Variants in FLNB observed in about 807,000 individuals in gnomAD.
FLNB encodes the protein filamin-B.
In FLNB, 111 loss-of-function variants were observed where a neutral mutation model predicts 250.6. That is an observed-to-expected ratio of 0.44 (90% CI 0.38 to 0.52). FLNB has a LOEUF of 0.52. Among genes scored for constraint, FLNB ranks in the 20% least tolerant of loss-of-function variants. The pLI, the probability that FLNB is intolerant of heterozygous loss-of-function variation, is 0.00. For missense variants in FLNB, 2,869 were observed against 3,447.8 expected, an observed-to-expected ratio of 0.83 and a Z score of 4.20; for synonymous variants, 1,302 against 1,372.1, an observed-to-expected ratio of 0.95 and a Z score of 1.13.
Position 58,159,646 on chromosome 3 carries a change from TGGA to T in FLNB, c.6983_6985del (p.Gly2328del). 2 of 1,613,990 alleles carry T rather than the reference TGGA, an allele frequency of 1.2e-6. No homozygotes were observed. Among genetic ancestry groups the T allele is most frequent in the Non-Finnish European group, 1.7e-6 (2 of 1,180,014 alleles). ...TTGATGCAAAGGTGCACAGCCCCTC[TGGA>T]GCCGTGGAGGAGTGCCACGTGTCTG... On this transcript the variant is annotated inframe_deletion, in exon 42 of 46. Coordinates refer to ENST00000295956, the MANE Select transcript of FLNB (RefSeq NM_001457.4).
chr3:58,119,163 T>C (rs1000866764), intron 19 of FLNB, among the ~76,000 whole-genome samples, 174 bp downstream of exon 19: 6 of 152,152 alleles, frequency 3.9e-5, no homozygotes, highest in African/African-American at 1.4e-4. Context: ...ACTGTGACTG[T>C]GTCTGCCCCT....
intron 22 of FLNB, 40 bp from the exon 23 acceptor site, chr3:58,125,541 T>A (rs371291646): frequency 1.2e-6 from 2 of 1,608,074 alleles, no homozygotes; most frequent in Non-Finnish European, 1.7e-6. Context: ...AATAGGGGAT[T>A]TGTATGCAAA....
intron 41 of FLNB, among the ~76,000 whole-genome samples, chr3:58,156,951 C>T (rs985206984): frequency 1.5e-4 from 23 of 152,196 alleles, no homozygotes; most frequent in African/African-American, 5.5e-4. Flanking sequence ...CCCCACTCAA[C>T]CTCCCAAAGT....
At chr3:58,049,332 G>C (rs145482381) in intron 1 of FLNB, among the ~76,000 whole-genome samples, 1 of 152,234 alleles carries the variant, frequency 6.6e-6, no homozygotes, top group African/African-American at 2.4e-5. Flanking sequence ...GAGGAGCAAA[G>C]TGTAGTGGTA....
chr3:58,145,403 C>T (rs1389684997), intron 32 of FLNB, among the ~76,000 whole-genome samples: 1 of 152,104 alleles, frequency 6.6e-6, no homozygotes, highest in Non-Finnish European at 1.5e-5. Context: ...TTTATTTAAC[C>T]GGTCCCCTGT....
At chr3:58,096,661 A>G (rs1229795161) in intron 6 of FLNB, among the ~76,000 whole-genome samples, 1 of 152,114 alleles carries the variant, frequency 6.6e-6, no homozygotes, top group Non-Finnish European at 1.5e-5. Context: ...GGCACCCACA[A>G]CCACTCCCAG....
chr3:58,130,797 G>A lies in FLNB; in HGVS notation c.4279G>A (p.Ala1427Thr), dbSNP rs1319183304. Residue 1427 changes from alanine to threonine, a missense_variant, in exon 25 of 46, where the codon GCC (alanine) becomes ACC (threonine). Around this residue, in one of 5 missense-constraint regions of FLNB, gnomAD observed 1,348 missense variants for 1,466.7 expected, o/e 0.92. Coordinates refer to ENST00000295956, the MANE Select transcript of FLNB (RefSeq NM_001457.4). Reference protein sequence around the residue: ...DVVDPSKVKIAGPGLGSGVRA... With the variant: ...DVVDPSKVKITGPGLGSGVRA... ...TGTGGACCCCAGCAAGGTCAAGATT[G>A]CCGGCCCCGGGCTGGGCTCAGGCGT... is the stretch of plus-strand genomic sequence containing the variant. 6.2e-7 allele frequency: 1 copy of A among 1,613,952 alleles called. No homozygotes were observed. The highest frequency in any genetic ancestry group is 1.1e-5 in the South Asian group (1 of 91,002).
rs1223279566 is a variant in FLNB, at chr3:58,029,827, G to A, written c.292+20971G>A. Among the ~76,000 whole-genome samples the A allele has an allele frequency of 2.0e-5, 3 of 150,254 alleles. No homozygotes were observed. In the Admixed American group the frequency reaches 2.0e-4, roughly 10 times the overall value. ...TGCGTCCAGCCAAGAATGAGAATTTGGGAGTCAGGCACCTCTGGGATTGAA... is the reference window on the plus strand; with the variant it reads ...TGCGTCCAGCCAAGAATGAGAATTTAGGAGTCAGGCACCTCTGGGATTGAA... On this transcript the variant is annotated intron_variant, in intron 1 of 45. Coordinates refer to ENST00000295956, the MANE Select transcript of FLNB (RefSeq NM_001457.4).
intron 1 of FLNB, among the ~76,000 whole-genome samples, chr3:58,038,535 C>T (rs890165340): frequency 2.0e-5 from 3 of 151,918 alleles, no homozygotes; most frequent in South Asian, 2.1e-4. Flanking sequence ...GCAATCCTTC[C>T]GCCTCAGCTG....
chr3:58,139,268 A>C (rs2097322211), intron 29 of FLNB, among the ~76,000 whole-genome samples: 1 of 152,184 alleles, frequency 6.6e-6, no homozygotes, highest in African/African-American at 2.4e-5. Context: ...AAAACCAAGC[A>C]TCGTTGGCTT....
chr3:58,105,506 T>G (rs1269281499), intron 11 of FLNB, among the ~76,000 whole-genome samples: 1 of 152,250 alleles, frequency 6.6e-6, no homozygotes, highest in African/African-American at 2.4e-5. Context: ...CTGACCTTTA[T>G]AGTTTAGATG....
rs536611899 is a variant in FLNB at position 58,026,685 on chromosome 3, T to C, written c.292+17829T>C. On this transcript the variant is annotated intron_variant, in intron 1 of 45. Coordinates refer to ENST00000295956, the MANE Select transcript of FLNB (RefSeq NM_001457.4). ...TTTGCCCTGATGGATAGAAGGAATC[T>C]GTCTGTGTCTTGCATGAACCGTGTA... is the stretch of plus-strand genomic sequence containing the variant. 3.8e-3 allele frequency among the ~76,000 whole-genome samples: 577 copies of C among 152,280 alleles called. 2 individuals carry two copies. The highest frequency in any genetic ancestry group is 6.2e-3 in the Non-Finnish European group (422 of 68,024).
chr3:58,114,063 T>C (rs1446362576), intron 18 of FLNB, among the ~76,000 whole-genome samples: 2 of 152,194 alleles, frequency 1.3e-5, no homozygotes, highest in African/African-American at 4.8e-5. Context: ...TCATTCCTTT[T>C]CGAGGCTGCA....
intron 4 of FLNB, among the ~76,000 whole-genome samples, chr3:58,087,895 C>T (rs1236153241): frequency 6.6e-6 from 1 of 152,138 alleles, no homozygotes; most frequent in Non-Finnish European, 1.5e-5. Flanking sequence ...CATGCACCAC[C>T]ACACCCCGCC....
At chr3:58,044,962 A>G (rs2097151493) in intron 1 of FLNB, among the ~76,000 whole-genome samples, 1 of 152,180 alleles carries the variant, frequency 6.6e-6, no homozygotes, top group South Asian at 2.1e-4. Flanking sequence ...ATCAGTGCTG[A>G]TTACTTCCAG....
At chr3:58,087,644 G>T (rs903286760) in intron 4 of FLNB, among the ~76,000 whole-genome samples, 1 of 151,998 alleles carries the variant, frequency 6.6e-6, no homozygotes, top group African/African-American at 2.4e-5. Context: ...TAGAGATGGG[G>T]TTTCACCATC....
At chr3:58,136,813 G>T (rs561664473) in intron 28 of FLNB, among the ~76,000 whole-genome samples, 4 of 134,308 alleles carry the variant, frequency 3.0e-5, no homozygotes, top group Non-Finnish European at 6.1e-5. Flanking sequence ...GTGCAGTGAC[G>T]CAATCTCAGC....
At chr3:58,111,934 G>T in intron 17 of FLNB, 53 bp downstream of exon 17, 1 of 1,462,588 alleles carries the variant, frequency 6.8e-7, no homozygotes, top group South Asian at 1.1e-5. Context: ...CGGTGGCACT[G>T]GGCGTGTTTC....
intron 22 of FLNB, 100 bp from the exon 23 acceptor site, chr3:58,125,481 G>C (rs1397652505): frequency 1.1e-5 from 15 of 1,337,910 alleles, no homozygotes; most frequent in Non-Finnish European, 1.6e-5. Flanking sequence ...AGTATAGCAT[G>C]CAGACTTCGA....
Sources: allele counts gnomAD v4.1 joint callset (sites outside exome capture counted in the v4.1 genomes callset), GRCh38; gene constraint gnomAD v4.1.1; regional missense constraint gnomAD v4.1.1; transcripts MANE v1.5; gene names NCBI Gene and HGNC (gene_info 2026-07-23, HGNC 2026-07-21).